CRISPLD2: variants seen among roughly 807,000 people sequenced by gnomAD.
CRISPLD2 encodes cysteine rich secretory protein LCCL domain containing 2.
Under a neutral mutation model 71.1 loss-of-function variants are expected in CRISPLD2, and 47 were observed. The ratio of observed to expected loss-of-function variants is 0.66; its 90% CI spans 0.52 to 0.84. The LOEUF is 0.84. Ranked by LOEUF, CRISPLD2 falls within the 40% of genes least tolerant of loss-of-function variation. The probability of loss-of-function intolerance (pLI) is 0.00; values close to 1 mark genes in which losing one functional copy is unlikely to be tolerated. For synonymous variants in CRISPLD2, 317 were observed against 250.1 expected, an observed-to-expected ratio of 1.27 and a Z score of -2.52; for missense variants, 830 against 651.1, an observed-to-expected ratio of 1.27 and a Z score of -2.99.
In CRISPLD2 at chr16:84,909,064, A is replaced by G. The variant is rs1170961101; in HGVS notation, c.*2422A>G. The stretch of plus-strand genomic sequence containing the variant: ...TTTGTCTTCAGAAAATGGAAACAAG[A>G]CTATAAATGATAAGCCCTGTCCCTA... On this transcript the variant is annotated 3_prime_UTR_variant, in exon 15 of 15. Coordinates refer to ENST00000262424, the MANE Select transcript of CRISPLD2 (RefSeq NM_031476.4). The G allele has an allele frequency of 6.6e-6, 1 of 152,288 alleles. No homozygotes were observed. Among genetic ancestry groups the G allele is most frequent in the Non-Finnish European group, 1.5e-5 (1 of 68,050 alleles). The allele number at this position is 152,288 out of a possible 1,614,324, so 9.4% of individuals were successfully genotyped here.
At chr16:84,854,898 A>G (rs1917194223) in intron 6 of CRISPLD2, 69 bp downstream of exon 6, 4 of 1,218,092 alleles carry the variant, frequency 3.3e-6, no homozygotes, top group Non-Finnish European at 3.7e-6. Context: ...ACAGCGTTAC[A>G]TGAAACAGGG....
intron 14 of CRISPLD2, among the ~76,000 whole-genome samples, chr16:84,890,996 A>T (rs1338409421): frequency 6.6e-6 from 1 of 152,006 alleles, no homozygotes; most frequent in Non-Finnish European, 1.5e-5. Context: ...CCAACTCCTG[A>T]CCTCAGGTGA....
intron 11 of CRISPLD2, among the ~76,000 whole-genome samples, chr16:84,875,255 A>G (rs1036755275): frequency 1.2e-4 from 13 of 104,392 alleles, no homozygotes; most frequent in African/African-American, 7.8e-4. Flanking sequence ...AAATATATAC[A>G]TATGTGTGTG....
At chr16:84,839,848 G>C (rs540119679) in intron 2 of CRISPLD2, 1 of 152,326 alleles carries the variant, frequency 6.6e-6, no homozygotes, top group African/African-American at 2.4e-5. Context: ...AGTTAGCCGG[G>C]CATGGTGGTG....
intron 10 of CRISPLD2, chr16:84,873,506 C>A (rs6564085): frequency 0.38 from 42,451 of 110,916 alleles, 8,618 homozygotes; most frequent in East Asian, 0.55. Flanking sequence ...ACAACAACAA[C>A]AAAAAAAAAA....
At chr16:84,889,953 C>G (rs770785378) in intron 14 of CRISPLD2, among the ~76,000 whole-genome samples, 1 of 152,186 alleles carries the variant, frequency 6.6e-6, no homozygotes, top group Non-Finnish European at 1.5e-5. Context: ...GAGTAAGCCA[C>G]CTGATTTCCT....
chr16:84,849,587 G>GGT, intron 4 of CRISPLD2, 70 bp downstream of exon 4: 1 of 1,317,122 alleles, frequency 7.6e-7, no homozygotes. Context: ...TGCCCCTGGG[G>GGT]GATTGTCAAA....
At chr16:84,865,062 A>G (rs1183504165) in intron 6 of CRISPLD2, among the ~76,000 whole-genome samples, 1 of 152,218 alleles carries the variant, frequency 6.6e-6, no homozygotes, top group Non-Finnish European at 1.5e-5. Flanking sequence ...GTGTGGACAC[A>G]AAATACTTGC....
At chr16:84,821,998 G>C (rs1019479614) in intron 1 of CRISPLD2, among the ~76,000 whole-genome samples, 1 of 152,236 alleles carries the variant, frequency 6.6e-6, no homozygotes, top group Non-Finnish European at 1.5e-5. Context: ...TCTGGGGGAA[G>C]GTGCCCATCT....
chr16:84,885,133 T>C (rs769891162), intron 13 of CRISPLD2, among the ~76,000 whole-genome samples: 9 of 152,166 alleles, frequency 5.9e-5, no homozygotes, highest in Non-Finnish European at 1.3e-4. Context: ...AAAAATCTGC[T>C]CCAGCCCTCG....
chr16:84,899,649 A>G (rs1032318187), intron 14 of CRISPLD2, among the ~76,000 whole-genome samples: 2 of 152,168 alleles, frequency 1.3e-5, no homozygotes, highest in East Asian at 3.9e-4. Context: ...GTTAGGAAAT[A>G]CTTGCCCAGC....
At chr16:84,884,367 A>T (rs1001031804) in intron 13 of CRISPLD2, among the ~76,000 whole-genome samples, 1 of 152,176 alleles carries the variant, frequency 6.6e-6, no homozygotes, top group Non-Finnish European at 1.5e-5. Context: ...CACTGTGTCA[A>T]TGCACGTGAA....
intron 1 of CRISPLD2, among the ~76,000 whole-genome samples, chr16:84,825,089 G>A (rs536751947): frequency 7.2e-5 from 11 of 151,872 alleles, no homozygotes; most frequent in African/African-American, 1.7e-4. Flanking sequence ...CCTGGGTGAC[G>A]GAGCGAGATG....
At chr16:84,871,735 A>G (rs914655735) in intron 8 of CRISPLD2, among the ~76,000 whole-genome samples, 1 of 151,986 alleles carries the variant, frequency 6.6e-6, no homozygotes, top group African/African-American at 2.4e-5. Flanking sequence ...TATTTTTAGT[A>G]GAGATGGGTT....
chr16:84,846,604 G>T (rs368229411), intron 3 of CRISPLD2, among the ~76,000 whole-genome samples: 2 of 152,082 alleles, frequency 1.3e-5, no homozygotes, highest in East Asian at 1.9e-4. Context: ...TTGAGTCCCC[G>T]TTCCTGTGGG....
chr16:84,862,733 C>A (rs897912134), intron 6 of CRISPLD2, among the ~76,000 whole-genome samples: 11 of 137,374 alleles, frequency 8.0e-5, no homozygotes, highest in Non-Finnish European at 7.5e-5. Flanking sequence ...GACCGAGGGG[C>A]CTTGCAGAGA....
chr16:84,887,100 C>G (rs1184217434), intron 13 of CRISPLD2, among the ~76,000 whole-genome samples: 1 of 152,192 alleles, frequency 6.6e-6, no homozygotes, highest in Non-Finnish European at 1.5e-5. Flanking sequence ...GAAGGAGGCA[C>G]CAGCTTGGTG....
At chr16:84,867,068 C>T in intron 7 of CRISPLD2, 28 bp downstream of exon 7, 1 of 1,605,138 alleles carries the variant, frequency 6.2e-7, no homozygotes, top group Non-Finnish European at 8.5e-7. Context: ...TCCGCCCCTC[C>T]TGCCCTCCCA....
chr16:84,839,489 C>G (rs1455702258), intron 2 of CRISPLD2: 1 of 159,112 alleles, frequency 6.3e-6, no homozygotes, highest in Non-Finnish European at 1.4e-5. Context: ...CTGTGAAGGG[C>G]CCGGCACAGA....
Sources: allele counts gnomAD v4.1 joint callset (sites outside exome capture counted in the v4.1 genomes callset), GRCh38; gene constraint gnomAD v4.1.1; transcripts MANE v1.5; gene names NCBI Gene and HGNC (gene_info 2026-07-23, HGNC 2026-07-21).